UMOD: variants seen among roughly 807,000 people sequenced by gnomAD.
The protein encoded by UMOD is Tamm-Horsfall urinary glycoprotein.
Under a neutral mutation model 66.0 loss-of-function variants are expected in UMOD, and 64 were observed. The observed-to-expected ratio is 0.97, with a 90% CI of 0.79 to 1.19. The LOEUF (loss-of-function observed/expected upper bound fraction) is 1.19. UMOD is among the 50% of genes most tolerant of loss of function. The pLI, the probability that UMOD is intolerant of heterozygous loss-of-function variation, is 0.00. For synonymous variants in UMOD, 398 were observed against 352.7 expected (o/e 1.13, Z -1.44); for missense variants, 764 against 850.9 (o/e 0.90, Z 1.27).
rs1965396551 is a variant in UMOD at position 20,344,102 on chromosome 16, T to C, written c.1253A>G (p.Asn418Ser). ...GGAGCATGCAAAGTTGATTTTGATG[T>C]TGAGGTCACGGATGATGATCTCATC... ...LADEIIIRDLNIKINFACSYP... is the reference protein window; with the variant it reads ...LADEIIIRDLSIKINFACSYP... The change falls in exon 6 of 11, where the codon AAC becomes AGC. Residue 418 changes from asparagine to serine, a missense_variant. Physicochemically the swap from Asn to Ser is conservative, Grantham distance 46 (BLOSUM62 1). Transcript: ENST00000396138. 1.2e-6 allele frequency: 2 copies of C among 1,613,922 alleles called. No individual in the cohort carries two copies. Among genetic ancestry groups the C allele is most frequent in the Non-Finnish European group, 1.7e-6 (2 of 1,179,996 alleles).
intron 6 of UMOD, among the ~76,000 whole-genome samples, chr16:20,341,712 A>AC (rs1965230003): frequency 6.6e-6 from 1 of 152,294 alleles, no homozygotes; most frequent in Non-Finnish European, 1.5e-5. Context: ...TGGCAAAAAA[A>AC]CAAATTATTG....
intron 6 of UMOD, among the ~76,000 whole-genome samples, chr16:20,343,561 A>G (rs1051776313): frequency 4.3e-4 from 65 of 152,366 alleles, no homozygotes; most frequent in African/African-American, 1.3e-3. Flanking sequence ...CATCTGAATC[A>G]TCTACATCAG....
intron 9 of UMOD, 65 bp downstream of exon 9, chr16:20,336,581 T>C (rs1220654737): frequency 2.7e-6 from 4 of 1,508,624 alleles, no homozygotes; most frequent in Non-Finnish European, 3.7e-6. Context: ...CAGGCTCTGT[T>C]ATCCCTCTTC....
At chr16:20,352,950 A>T (rs965639971), upstream of UMOD, 2 of 388,742 alleles carry the variant, frequency 5.1e-6, no homozygotes, top group Admixed American at 4.5e-5. Flanking sequence ...CGGAAATACA[A>T]GGTCACTGTT....
At chr16:20,352,470 A>T in intron 1 of UMOD, 1 of 392,256 alleles carries the variant, frequency 2.5e-6, no homozygotes, top group Admixed American at 4.4e-5. Flanking sequence ...ACTAATATTC[A>T]TGGAATAAGT....
rs199565760 is a variant in UMOD at position 20,344,197 on chromosome 16, G to T, written c.1183-25C>A. On this transcript the variant is annotated intron_variant, in intron 5 of 10. Transcript: ENST00000396138. The stretch of plus-strand genomic sequence containing the variant: ...TCTGTTGCAGGGAATGGGGGTGGAG[G>T]GGGGGTGGGGATGAGAGAAAGGGGC... 41 of 1,476,304 alleles carry T rather than the reference G, an allele frequency of 2.8e-5. 1 individual carries two copies. In the Admixed American group the frequency reaches 3.9e-4, roughly 14 times the overall value. 91.5% of individuals were successfully genotyped at this position (1,476,304 alleles called of 1,614,324 possible). A position where few individuals can be genotyped will look rare whatever the true frequency, so the allele number is the denominator to read the frequency against.
At position 20,348,084 on chromosome 16, in the gene UMOD, A is replaced by G. The variant is rs112166439; in HGVS notation, c.973+139T>C. On this transcript the variant is annotated intron_variant, in intron 4 of 10. Transcript: ENST00000396138. ...TGCCGGCTTTAATGGGTATTAGTGG[A>G]TCTTCTGTTTTCACTCAGGTTGGAT... 1.1e-3 allele frequency: 863 copies of G among 805,582 alleles called. 2 individuals carry two copies. In the African/African-American group the frequency reaches 0.012, roughly 12 times the overall value. The allele number at this position is 805,582 out of a possible 1,614,324, so 49.9% of individuals were successfully genotyped here. A position where few individuals can be genotyped will look rare whatever the true frequency, so the allele number is the denominator to read the frequency against.
In UMOD at chr16:20,349,994, C is replaced by T. The variant is rs534019285; in HGVS notation, c.88+656G>A. ...CTTGTTGAATACTTCCCAAGGGCCT[C>T]GTGAGGTCAGTTTTTTATGTATCCT... On this transcript the variant is annotated intron_variant, in intron 2 of 10. Coordinates refer to ENST00000396138, the MANE Select transcript of UMOD (RefSeq NM_003361.4). The T allele has an allele frequency of 4.9e-5, 52 of 1,053,478 alleles. No homozygotes were observed. The South Asian group carries it at 7.8e-4, about 16-fold the overall frequency. The allele number at this position is 1,053,478 out of a possible 1,614,324, so 65.3% of individuals were successfully genotyped here. A position where few individuals can be genotyped will look rare whatever the true frequency, so the allele number is the denominator to read the frequency against.
At position 20,333,078 on chromosome 16, in the gene UMOD, C is replaced by T. The variant is rs1030559182; in HGVS notation, c.*236G>A. ...AGATTTAAAAATCATTATTTTGCCA[C>T]ACTCTTTAAGGAGATGGGGGCCTCA... On this transcript the variant is annotated 3_prime_UTR_variant, in exon 11 of 11. Coordinates refer to ENST00000396138, the MANE Select transcript of UMOD (RefSeq NM_003361.4). The T allele has an allele frequency of 1.9e-6, 1 of 534,668 alleles. No individual in the cohort carries two copies. Among genetic ancestry groups the T allele is most frequent in the Admixed American group, 3.2e-5 (1 of 31,556 alleles). The allele number at this position is 534,668 out of a possible 1,614,324, so 33.1% of individuals were successfully genotyped here.
chr16:20,344,354 G>C (rs1310964883), intron 5 of UMOD, among the ~76,000 whole-genome samples, 182 bp from the exon 6 acceptor site: 1 of 152,140 alleles, frequency 6.6e-6, no homozygotes, highest in Non-Finnish European at 1.5e-5. Flanking sequence ...TGTAATCCCA[G>C]CACTTTGGGA....
intron 7 of UMOD, among the ~76,000 whole-genome samples, chr16:20,338,675 G>T (rs1265960065): frequency 6.6e-6 from 1 of 151,718 alleles, no homozygotes; most frequent in Admixed American, 6.6e-5. Flanking sequence ...TGTATTTTTA[G>T]TACAGACAGG....
chr16:20,333,879 C>T (rs1474787405), intron 10 of UMOD, among the ~76,000 whole-genome samples: 4 of 151,942 alleles, frequency 2.6e-5, no homozygotes, highest in Admixed American at 6.6e-5. Flanking sequence ...CTGGAAAATA[C>T]AAAAATTAGC....
rs1965843589 is a variant in UMOD at position 20,350,630 on chromosome 16, C to G, written c.88+20G>C. ...CACGTGCATACACACATATACAACG[C>G]ACACACACTTTTCACTTACTTGCTT... On this transcript the variant is annotated intron_variant, in intron 2 of 10. Coordinates refer to ENST00000396138, the MANE Select transcript of UMOD (RefSeq NM_003361.4). The G allele has an allele frequency of 2.5e-6, 4 of 1,613,882 alleles. No homozygotes were observed. Among genetic ancestry groups the G allele is most frequent in the Admixed American group, 1.7e-5 (1 of 59,990 alleles).
At chr16:20,337,228 T>C (rs1964924577) in intron 8 of UMOD, 63 bp downstream of exon 8, 1 of 1,592,690 alleles carries the variant, frequency 6.3e-7, no homozygotes, top group African/African-American at 1.3e-5. Context: ...TATTGATTTG[T>C]TTTCTTTGTG....
Position 20,346,294 on chromosome 16 carries a change from A to G in UMOD, c.1014T>C (p.Asn338=). 1 of 1,614,252 alleles carries G rather than the reference A, an allele frequency of 6.2e-7. No individual in the cohort carries two copies. Among genetic ancestry groups the G allele is most frequent in the Non-Finnish European group, 8.5e-7 (1 of 1,180,046 alleles). The change falls in exon 5 of 11, where the codon AAT becomes AAC. Residue 338 remains asparagine (N), a synonymous_variant. Coordinates refer to ENST00000396138, the MANE Select transcript of UMOD (RefSeq NM_003361.4). ...LLEHRLECGA[N]DMKVSLGKCQ... ...ACTTGCCCAGCGACACCTTCATGTC[A>G]TTGGCCCCACATTCCAGCCTGTGCT...
rs867755016 is a variant in UMOD at position 20,348,198 on chromosome 16, C to T, written c.973+25G>A. The stretch of plus-strand genomic sequence containing the variant: ...CAGGCAGTGACAGGTTTCTCAACAA[C>T]CCGCTTCCTCCCCACTGGCCTCACC... On this transcript the variant is annotated intron_variant, in intron 4 of 10. Coordinates refer to ENST00000396138, the MANE Select transcript of UMOD (RefSeq NM_003361.4). 24 of 1,607,474 alleles carry T rather than the reference C, an allele frequency of 1.5e-5. 2 individuals carry two copies. The Middle Eastern group carries it at 1.3e-3, about 89-fold the overall frequency.
At position 20,333,268 on chromosome 16, in the gene UMOD, A is replaced by C. The variant is rs1349330820; in HGVS notation, c.*46T>G. On this transcript the variant is annotated 3_prime_UTR_variant, in exon 11 of 11. Transcript: ENST00000396138. ...GCCCGCATCATGCCCCCTGCCCAGCAGGAGGTGAGATGGCAGCCATGGAGC... is the reference window on the plus strand; with the variant it reads ...GCCCGCATCATGCCCCCTGCCCAGCCGGAGGTGAGATGGCAGCCATGGAGC... 6.3e-7 allele frequency: 1 copy of C among 1,587,500 alleles called. No individual in the cohort carries two copies. Among genetic ancestry groups the C allele is most frequent in the African/African-American group, 1.3e-5 (1 of 74,384 alleles).
intron 2 of UMOD, chr16:20,349,719 T>C: frequency 6.5e-7 from 1 of 1,527,194 alleles, no homozygotes; most frequent in Non-Finnish European, 8.8e-7. Context: ...TTGGTAGGAT[T>C]TACGGTGAAC....
At chr16:20,352,922 G>T (rs1965962487), upstream of UMOD, 1 of 406,186 alleles carries the variant, frequency 2.5e-6, no homozygotes, top group Non-Finnish European at 4.3e-6. Flanking sequence ...ATTGACATTG[G>T]GGGGTCACAC....
Sources: allele counts gnomAD v4.1 joint callset (sites outside exome capture counted in the v4.1 genomes callset), GRCh38; gene constraint gnomAD v4.1.1; transcripts MANE v1.5; gene names NCBI Gene and HGNC (gene_info 2026-07-23, HGNC 2026-07-21).